The following HDAC5 variants were observed in gnomAD, a reference collection of about 807,000 sequenced individuals.
HDAC5 encodes histone deacetylase 5, also known as antigen NY-CO-9.
HDAC5 carries 25 observed loss-of-function variants against 133.3 expected under a neutral mutation model. The ratio of observed to expected loss-of-function variants is 0.19; its 90% CI spans 0.14 to 0.26. The LOEUF is 0.26. Ranked by LOEUF, HDAC5 falls within the 10% of genes least tolerant of loss-of-function variation. The pLI is 1.00. For synonymous variants in HDAC5, 589 were observed against 610.8 expected, an observed-to-expected ratio of 0.96 and a Z score of 0.53; for missense variants, 1,041 against 1,460.5, an observed-to-expected ratio of 0.71 and a Z score of 4.68.
intron 3 of HDAC5, among the ~76,000 whole-genome samples, chr17:44,107,294 C>T (rs2052018489): frequency 1.3e-5 from 2 of 152,126 alleles, no homozygotes; most frequent in Admixed American, 6.6e-5. Flanking sequence ...TACACCACAG[C>T]TATCAACACT....
At chr17:44,083,225 C>T (rs552598879) in intron 18 of HDAC5, among the ~76,000 whole-genome samples, 24 of 152,292 alleles carry the variant, frequency 1.6e-4, no homozygotes, top group African/African-American at 5.3e-4. Flanking sequence ...CCCACCTCGG[C>T]CTCCCAAAGT....
intron 12 of HDAC5, 107 bp downstream of exon 12, chr17:44,088,280 C>T (rs905157284): frequency 6.8e-6 from 10 of 1,460,128 alleles, no homozygotes; most frequent in Admixed American, 4.4e-5. Context: ...CCCAATCAGG[C>T]GCGAGCCACC....
At chr17:44,084,826 T>A (rs562026899) in intron 15 of HDAC5, 151 bp from the exon 16 acceptor site, 1 of 1,272,846 alleles carries the variant, frequency 7.9e-7, no homozygotes, top group South Asian at 1.4e-5. Context: ...ATGACCTTAC[T>A]CCCGGATCCC....
Position 44,078,357 on chromosome 17 carries a change from A to G in HDAC5, c.*19T>C. ...ACAAAATCACAATGGTGAAGCCCAG[A>G]GGGATGGGGGCCGGGGCGTCACAGG... On this transcript the variant is annotated 3_prime_UTR_variant, in exon 27 of 27. Transcript: ENST00000682912. 2 of 1,526,710 alleles carry G rather than the reference A, an allele frequency of 1.3e-6. No individual in the cohort carries two copies. The highest frequency in any genetic ancestry group is 1.8e-6 in the Non-Finnish European group (2 of 1,140,558). The allele number at this position is 1,526,710 out of a possible 1,614,324, so 94.6% of individuals were successfully genotyped here.
intron 3 of HDAC5, among the ~76,000 whole-genome samples, chr17:44,097,134 G>C (rs2051322235): frequency 6.6e-6 from 1 of 152,386 alleles, no homozygotes; most frequent in Admixed American, 6.5e-5. Context: ...AGAGAACCTA[G>C]CACTGAATGG....
In HDAC5 at chr17:44,091,475, C is replaced by T. The variant is rs1437471270; in HGVS notation, c.1182G>A (p.Ser394=). 6.5e-7 allele frequency: 1 copy of T among 1,545,112 alleles called. No individual in the cohort carries two copies. The highest frequency in any genetic ancestry group is 8.7e-7 in the Non-Finnish European group (1 of 1,148,964). Residue 394 remains serine, a synonymous_variant, in exon 11 of 27, where the codon TCG becomes TCA. Transcript: ENST00000682912. The stretch of plus-strand genomic sequence containing the variant: ...CCTGCCTCTCGGCCTCCTGCTGTGT[C>T]GACAGCTTCGGGGAGGCCTGGGGGG... ...NSHLTASPKL[S]TQQEAERQAL... is the part of the protein sequence containing the mutation.
chr17:44,082,252 G>A (rs1032650489), intron 20 of HDAC5: 5 of 357,512 alleles, frequency 1.4e-5, no homozygotes, highest in Non-Finnish European at 2.6e-5. Flanking sequence ...CTAATTGTAG[G>A]GGGTGGGAGG....
intron 3 of HDAC5, among the ~76,000 whole-genome samples, chr17:44,108,964 G>C (rs987386096): frequency 2.0e-5 from 3 of 151,732 alleles, no homozygotes; most frequent in Admixed American, 2.0e-4. Flanking sequence ...GGGGTGGAGT[G>C]GGGAGACAGG....
intron 2 of HDAC5, chr17:44,111,139 G>A (rs1257619558): frequency 2.5e-6 from 1 of 406,784 alleles, no homozygotes; most frequent in Non-Finnish European, 4.8e-6. Flanking sequence ...ACTTGGGACA[G>A]GAAGGGGAGC....
chr17:44,110,271 C>T (rs963831745), intron 3 of HDAC5, among the ~76,000 whole-genome samples: 4 of 152,324 alleles, frequency 2.6e-5, no homozygotes, highest in South Asian at 2.1e-4. Flanking sequence ...TCACTGTACT[C>T]GATCCTGTAG....
At chr17:44,099,789 T>C (rs2051480065) in intron 3 of HDAC5, among the ~76,000 whole-genome samples, 1 of 152,204 alleles carries the variant, frequency 6.6e-6, no homozygotes, top group Non-Finnish European at 1.5e-5. Flanking sequence ...GCTGTGTGTT[T>C]CTAGCCATGC....
intron 20 of HDAC5, 82 bp downstream of exon 20, chr17:44,082,503 G>A (rs373488804): frequency 9.0e-7 from 1 of 1,112,236 alleles, no homozygotes; most frequent in Admixed American, 1.8e-5. Flanking sequence ...TGAAGGTGGG[G>A]CTGGGGGAGG....
At chr17:44,089,931 C>CAAAAAA (rs386386141) in intron 11 of HDAC5, among the ~76,000 whole-genome samples, 1 of 86,600 alleles carries the variant, frequency 1.2e-5, no homozygotes, top group African/African-American at 5.0e-5. Context: ...GATTCTGTCT[C>CAAAAAA]AAAAAAAAAA....
Position 44,078,602 on chromosome 17 carries a change from T to C in HDAC5, c.3227A>G (p.Gln1076Arg). The change falls in exon 26 of 27, where the codon CAA (glutamine) becomes CGA (arginine). Residue 1076 changes from glutamine to arginine, a missense_variant. Transcript: ENST00000682912. ...CTCGGCCTCCTCGGTCTCACCTGCT[T>C]GGGCCTCTCGCAGGGACCGGCCCAG... ...AGLGRSLREAQAGETEEAETV... is the reference protein window; with the variant it reads ...AGLGRSLREARAGETEEAETV... The C allele has an allele frequency of 1.2e-6, 2 of 1,608,998 alleles. No individual in the cohort carries two copies. The highest frequency in any genetic ancestry group is 1.7e-6 in the Non-Finnish European group (2 of 1,179,950).
At chr17:44,108,037 A>G (rs2052079530) in intron 3 of HDAC5, among the ~76,000 whole-genome samples, 1 of 152,174 alleles carries the variant, frequency 6.6e-6, no homozygotes, top group African/African-American at 2.4e-5. Context: ...CTAGAGTTCA[A>G]ACTCCCAGGC....
intron 1 of HDAC5, among the ~76,000 whole-genome samples, chr17:44,121,442 C>A (rs560132192): frequency 2.7e-4 from 38 of 140,916 alleles, no homozygotes; most frequent in Middle Eastern, 3.6e-3. Context: ...CCTTCCCCCC[C>A]CTACTGCCAC....
chr17:44,114,061 C>G (rs2143600022), intron 2 of HDAC5, among the ~76,000 whole-genome samples: 1 of 152,346 alleles, frequency 6.6e-6, no homozygotes, highest in South Asian at 2.1e-4. Context: ...CATTTGAAGC[C>G]AAGTCCAGGA....
chr17:44,104,467 T>C (rs2143483210), intron 3 of HDAC5, among the ~76,000 whole-genome samples: 1 of 152,296 alleles, frequency 6.6e-6, no homozygotes, highest in South Asian at 2.1e-4. Flanking sequence ...TTTCAGACTG[T>C]CTGAATGTCA....
intron 3 of HDAC5, among the ~76,000 whole-genome samples, chr17:44,104,489 T>C (rs1487218396): frequency 6.6e-6 from 1 of 152,166 alleles, no homozygotes; most frequent in African/African-American, 2.4e-5. Flanking sequence ...TCTGCGGTCC[T>C]GGCACAAACA....
Sources: gnomAD v4.1 joint callset for allele counts (sites outside exome capture counted in the v4.1 genomes callset) on GRCh38, gnomAD v4.1.1 for gene constraint, MANE v1.5 for transcripts, NCBI Gene and HGNC (gene_info 2026-07-23, HGNC 2026-07-21) for gene names.